JAKMIP1: variants seen among roughly 807,000 people sequenced by gnomAD.
The protein encoded by JAKMIP1 is janus kinase and microtubule-interacting protein 1.
Under a neutral mutation model 113.0 loss-of-function variants are expected in JAKMIP1, and 33 were observed. The observed-to-expected ratio is 0.29, with a 90% CI of 0.22 to 0.39. The LOEUF (loss-of-function observed/expected upper bound fraction) is 0.39, where lower values mean the gene tolerates loss of function less well. Among genes scored for constraint, JAKMIP1 ranks in the 10% least tolerant of loss-of-function variants. JAKMIP1 has a pLI of 1.00. For synonymous variants in JAKMIP1, 480 were observed against 459.9 expected, an observed-to-expected ratio of 1.04 and a Z score of -0.56; for missense variants, 813 against 1,080.5, an observed-to-expected ratio of 0.75 and a Z score of 3.47.
rs539650754 is a variant in JAKMIP1, at chr4:6,098,544, G to C, written c.624+6929C>G. On this transcript the variant is annotated intron_variant, in intron 3 of 20. Coordinates refer to ENST00000409021, the MANE Select transcript of JAKMIP1 (RefSeq NM_001099433.2). ...GAAGAAAGAGAGAGAGAGAGAGAAA[G>C]AAAAAGAAAGAAAGAAAGAAAGAAA... 6.1e-3 allele frequency among the ~76,000 whole-genome samples: 314 copies of C among 51,698 alleles called. 3 individuals carry two copies. Among genetic ancestry groups the C allele is most frequent in the African/African-American group, 0.025 (296 of 11,654 alleles). 33.9% of individuals were successfully genotyped at this position (51,698 alleles called of 152,430 possible).
chr4:6,146,177 C>T (rs930429935), intron 1 of JAKMIP1, among the ~76,000 whole-genome samples: 13 of 125,938 alleles, frequency 1.0e-4, no homozygotes, highest in African/African-American at 3.0e-4. Context: ...ACAAAAATAA[C>T]GGAGAAGTCA....
At position 6,064,933 on chromosome 4, in the gene JAKMIP1, T is replaced by C; in HGVS notation, c.1378A>G (p.Asn460Asp). The C allele has an allele frequency of 6.2e-7, 1 of 1,614,144 alleles. No homozygotes were observed. The highest frequency in any genetic ancestry group is 8.5e-7 in the Non-Finnish European group (1 of 1,180,046). ...DSETLSETSY[N>D]TDRTDRTPAT... ...GGGGTCCTGTCTGTCCTGTCTGTGT[T>C]GTAGGATGTTTCGGACAACGTTTCT... The change falls in exon 9 of 21, where the codon AAC (asparagine) becomes GAC (aspartate). Residue 460 changes from asparagine (N) to aspartate (D), a missense_variant. Asn to Asp is a conservative substitution (Grantham distance 23). Around this residue, in one of 2 missense-constraint regions of JAKMIP1, gnomAD observed 540 missense variants for 653.9 expected, o/e 0.83. Coordinates refer to ENST00000409021, the MANE Select transcript of JAKMIP1 (RefSeq NM_001099433.2). This position sits in a 1 kb window ranked among gnomAD's most constrained non-coding sequence, Gnocchi z 4.3.
intron 1 of JAKMIP1, among the ~76,000 whole-genome samples, chr4:6,195,822 C>T (rs1265083984): frequency 3.3e-5 from 5 of 152,234 alleles, no homozygotes; most frequent in African/African-American, 1.2e-4. Flanking sequence ...CTTTGGCTTC[C>T]CAGATGTCTC....
rs1721319560 is a variant in JAKMIP1, at chr4:6,086,389, C to T, written c.625-760G>A. On this transcript the variant is annotated intron_variant, in intron 3 of 20. Transcript: ENST00000409021. This position sits in a 1 kb window ranked among gnomAD's most constrained non-coding sequence, Gnocchi z 4.1. ...AGCCCTGGCTTCTCTCTGAGCTCCA[C>T]AATCACAGAACCAGCTGGCTGCCTG... Among the ~76,000 whole-genome samples, 1 of 151,856 alleles carries T rather than the reference C, an allele frequency of 6.6e-6. No homozygotes were observed. Among genetic ancestry groups the T allele is most frequent in the Non-Finnish European group, 1.5e-5 (1 of 68,002 alleles).
intron 11 of JAKMIP1, 93 bp downstream of exon 11, chr4:6,060,331 G>A (rs1717083795): frequency 1.1e-6 from 1 of 934,406 alleles, no homozygotes; most frequent in East Asian, 2.4e-5. Context: ...CAGCCCCACA[G>A]AATGTCCCCC....
Position 6,044,942 on chromosome 4 carries a change from GGGA to G in JAKMIP1, c.2029-2718_2029-2716del, listed in dbSNP as rs769989730. On this transcript the variant is annotated intron_variant, in intron 16 of 20. Coordinates refer to ENST00000409021, the MANE Select transcript of JAKMIP1 (RefSeq NM_001099433.2). The surrounding 1 kb of genome is among the most constrained non-coding windows in gnomAD (Gnocchi z 4.4). ...CCCCAGGAGAGGGGGTCTCAGGCTG[GGGA>G]GGAGAAGTGAGTCCACTCACAGGGA... is the stretch of plus-strand genomic sequence containing the variant. 5.8e-4 allele frequency among the ~76,000 whole-genome samples: 89 copies of G among 152,352 alleles called. No homozygotes were observed. In the Middle Eastern group the frequency reaches 0.017, roughly 29 times the overall value.
intron 1 of JAKMIP1, among the ~76,000 whole-genome samples, chr4:6,120,242 CTGAG>C (rs1716506685): frequency 6.6e-6 from 1 of 150,418 alleles, no homozygotes; most frequent in Admixed American, 6.6e-5. Flanking sequence ...AAATCTCTCT[CTGAG>C]TAAGTACATG....
chr4:6,159,886 G>C (rs1235560024), intron 1 of JAKMIP1, among the ~76,000 whole-genome samples: 1 of 152,148 alleles, frequency 6.6e-6, no homozygotes, highest in Non-Finnish European at 1.5e-5. Flanking sequence ...CCAAACCATG[G>C]GGGCCTCAGA....
In JAKMIP1 at chr4:6,135,995, C is replaced by G. The variant is rs1265891928; in HGVS notation, c.-147-22998G>C. On this transcript the variant is annotated intron_variant, in intron 1 of 20. Transcript: ENST00000409021. This position sits in a 1 kb window ranked among gnomAD's most constrained non-coding sequence, Gnocchi z 4.9. ...GCACAGTGGCTCACACCTGTAATCC[C>G]AGCACTTTGAGAGGCCAAGGTGGGT... Among the ~76,000 whole-genome samples the G allele has an allele frequency of 2.6e-5, 4 of 152,284 alleles. No individual in the cohort carries two copies. Among genetic ancestry groups the G allele is most frequent in the African/African-American group, 9.6e-5 (4 of 41,546 alleles).
chr4:6,071,774 A>C (rs1718990782), intron 8 of JAKMIP1, among the ~76,000 whole-genome samples: 1 of 152,150 alleles, frequency 6.6e-6, no homozygotes, highest in Non-Finnish European at 1.5e-5. Flanking sequence ...AGACGCCTGC[A>C]TGTGGTCCAG....
At chr4:6,126,252 CACACACACACACAA>C (rs1164755679) in intron 1 of JAKMIP1, among the ~76,000 whole-genome samples, 2 of 145,704 alleles carry the variant, frequency 1.4e-5, no homozygotes, top group Non-Finnish European at 3.0e-5. Context: ...CATGGAGAAA[CACACACACACACAA>C]ACACACACAC....
In JAKMIP1 at chr4:6,105,815, C is replaced by T. The variant is rs553237210; in HGVS notation, c.282G>A (p.Gln94=). Reference sequence around the variant, plus strand: ...CGGTGCGCGCCGCCTCCTGCTCGTGCTGCCGGATGAGCCCCTCGCGCAGCG... The same window carrying T: ...CGGTGCGCGCCGCCTCCTGCTCGTGTTGCCGGATGAGCCCCTCGCGCAGCG... ...LQALREGLIR[Q]HEQEAARTAK... is the part of the protein sequence containing the mutation. Residue 94 remains glutamine (Q), a synonymous_variant, in exon 3 of 21, where the codon CAG becomes CAA. Transcript: ENST00000409021. 1.9e-6 allele frequency: 3 copies of T among 1,610,418 alleles called. No individual in the cohort carries two copies. Among genetic ancestry groups the T allele is most frequent in the African/African-American group, 2.7e-5 (2 of 75,040 alleles).
chr4:6,148,044 C>T (rs575006674), intron 1 of JAKMIP1, among the ~76,000 whole-genome samples: 1 of 152,338 alleles, frequency 6.6e-6, no homozygotes, highest in South Asian at 2.1e-4. Flanking sequence ...CATCTTTGTG[C>T]TCCTAGGACC....
chr4:6,075,450 G>A (rs765115139), intron 8 of JAKMIP1, among the ~76,000 whole-genome samples: 2 of 152,160 alleles, frequency 1.3e-5, no homozygotes, highest in Non-Finnish European at 2.9e-5. Context: ...GGATTAAGTA[G>A]GAACATGGGA....
intron 2 of JAKMIP1, among the ~76,000 whole-genome samples, chr4:6,109,586 G>A (rs921186408): frequency 2.6e-5 from 4 of 151,998 alleles, no homozygotes; most frequent in Middle Eastern, 3.4e-3. Flanking sequence ...TTTCCTGTGA[G>A]GCTCTGTACC....
Position 6,137,366 on chromosome 4 carries a change from T to C in JAKMIP1, c.-147-24369A>G, listed in dbSNP as rs1265336361. On this transcript the variant is annotated intron_variant, in intron 1 of 20. Transcript: ENST00000409021. This position sits in a 1 kb window ranked among gnomAD's most constrained non-coding sequence, Gnocchi z 4.5. ...CAGACGGATCAGCTTTAGACGGCAC[T>C]GTTCCCGTACCTTCGCTGGGAGTCA... Among the ~76,000 whole-genome samples the C allele has an allele frequency of 6.6e-6, 1 of 152,242 alleles. No individual in the cohort carries two copies. Among genetic ancestry groups the C allele is most frequent in the East Asian group, 1.9e-4 (1 of 5,186 alleles).
chr4:6,074,331 G>A (rs567961787), intron 8 of JAKMIP1, among the ~76,000 whole-genome samples: 6 of 152,328 alleles, frequency 3.9e-5, no homozygotes, highest in Admixed American at 2.6e-4. Context: ...AGTCCAGGGA[G>A]GTTTGCTAGG....
chr4:6,143,775 C>G lies in JAKMIP1; in HGVS notation c.-147-30778G>C, dbSNP rs544949696. On this transcript the variant is annotated intron_variant, in intron 1 of 20. Transcript: ENST00000409021. The surrounding 1 kb of genome is among the most constrained non-coding windows in gnomAD (Gnocchi z 4.9). ...CTGAGTGATTCTAACACACGCTGCT[C>G]TAGAACAGTTTTTTATTTAAATAGA... 6.6e-6 allele frequency among the ~76,000 whole-genome samples: 1 copy of G among 152,288 alleles called. No homozygotes were observed. The highest frequency in any genetic ancestry group is 2.4e-5 in the African/African-American group (1 of 41,560).
chr4:6,189,895 G>A (rs895793555), intron 1 of JAKMIP1, among the ~76,000 whole-genome samples: 4 of 151,806 alleles, frequency 2.6e-5, no homozygotes, highest in East Asian at 1.9e-4. Context: ...GCAGCCGGGG[G>A]ACTGTGTAGC....
Sources: gnomAD v4.1 joint callset for allele counts (sites outside exome capture counted in the v4.1 genomes callset) on GRCh38, gnomAD v4.1.1 for gene constraint, gnomAD v4.1.1 regional missense constraint, Gnocchi (gnomAD v3.1) non-coding constraint, MANE v1.5 for transcripts, NCBI Gene and HGNC (gene_info 2026-07-23, HGNC 2026-07-21) for gene names.